The following RALGPS1 variants were observed in gnomAD, a reference collection of about 807,000 sequenced individuals.
The protein encoded by RALGPS1 is Ral GEF with PH domain and SH3 binding motif 1.
RALGPS1 carries 19 observed loss-of-function variants against 78.8 expected under a neutral mutation model. The ratio of observed to expected loss-of-function variants is 0.24; its 90% confidence interval spans 0.17 to 0.35. The LOEUF (loss-of-function observed/expected upper bound fraction) is 0.35, where lower values mean the gene tolerates loss of function less well. Ranked by LOEUF, RALGPS1 falls within the 10% of genes least tolerant of loss-of-function variation. The pLI is 1.00. For synonymous variants in RALGPS1, 228 were observed against 256.3 expected (o/e 0.89, Z 1.06); for missense variants, 454 against 688.3 (o/e 0.66, Z 3.81).
At chr9:127,101,480 A>G (rs150213808) in intron 8 of RALGPS1, among the ~76,000 whole-genome samples, 9 of 152,098 alleles carry the variant, frequency 5.9e-5, no homozygotes, top group East Asian at 1.9e-4. Flanking sequence ...CCATCCTTCA[A>G]TCCTCTATCC....
intron 4 of RALGPS1, among the ~76,000 whole-genome samples, chr9:127,005,497 A>G (rs776540265): frequency 3.3e-4 from 50 of 152,252 alleles, no homozygotes; most frequent in South Asian, 1.2e-3. Flanking sequence ...AAAGATTACA[A>G]TGGTCTTGAA....
At chr9:127,133,714 A>G (rs2057181074) in intron 8 of RALGPS1, among the ~76,000 whole-genome samples, 2 of 152,190 alleles carry the variant, frequency 1.3e-5, no homozygotes, top group South Asian at 2.1e-4. Context: ...TTTCTTTAAC[A>G]TGGAACCAAA....
At position 127,205,691 on chromosome 9, in the gene RALGPS1, T is replaced by G. The variant is rs2061896550; in HGVS notation, c.1248-6440T>G. On this transcript the variant is annotated intron_variant, in intron 14 of 18. Transcript: ENST00000259351. The surrounding 1 kb of genome is among the most constrained non-coding windows in gnomAD (Gnocchi z 4.0). ...ATATCTGCTTTACCCCTCCCCACTC[T>G]CTCTCAGACAAGATTTCTGAACTTC... Among the ~76,000 whole-genome samples the G allele has an allele frequency of 6.6e-6, 1 of 152,180 alleles. No homozygotes were observed. Among genetic ancestry groups the G allele is most frequent in the South Asian group, 2.1e-4 (1 of 4,834 alleles).
intron 11 of RALGPS1, chr9:127,178,405 G>C (rs1214334910): frequency 1.0e-6 from 1 of 953,376 alleles, no homozygotes; most frequent in Non-Finnish European, 1.3e-6. Flanking sequence ...CTGTAAAGTG[G>C]GCATAAAATC....
intron 12 of RALGPS1, among the ~76,000 whole-genome samples, chr9:127,195,682 C>T (rs1324596155): frequency 6.6e-6 from 1 of 152,200 alleles, no homozygotes; most frequent in East Asian, 1.9e-4. Context: ...ATGCGTGAGC[C>T]CTCGGCATGG....
At chr9:127,029,614 A>G (rs2046247695) in intron 4 of RALGPS1, among the ~76,000 whole-genome samples, 1 of 152,168 alleles carries the variant, frequency 6.6e-6, no homozygotes, top group Admixed American at 6.5e-5. Context: ...TTCCATGTGG[A>G]CACGTTTGAT....
intron 7 of RALGPS1, among the ~76,000 whole-genome samples, chr9:127,068,376 AAG>A (rs1368922142): frequency 6.6e-6 from 1 of 152,138 alleles, no homozygotes; most frequent in Non-Finnish European, 1.5e-5. Flanking sequence ...GATGCAGGGA[AAG>A]AGACCTGGTG....
rs962804462 is a variant in RALGPS1 at position 126,988,084 on chromosome 9, C to T, written c.216+10339C>T. On this transcript the variant is annotated intron_variant, in intron 4 of 18. Transcript: ENST00000259351. The stretch of plus-strand genomic sequence containing the variant: ...ACGGGAGAAGTGTATCTAGGTCTCT[C>T]CTGCAAGACCAGGACCAAAATCCAG... Among the ~76,000 whole-genome samples, 3 of 152,236 alleles carry T rather than the reference C, an allele frequency of 2.0e-5. No homozygotes were observed. The East Asian group carries it at 5.8e-4, about 29-fold the overall frequency.
At chr9:127,152,801 C>G (rs567826742) in intron 8 of RALGPS1, among the ~76,000 whole-genome samples, 3 of 152,124 alleles carry the variant, frequency 2.0e-5, no homozygotes, top group Non-Finnish European at 4.4e-5. Flanking sequence ...GGTCTGTACC[C>G]CCATCTCCTC....
intron 4 of RALGPS1, among the ~76,000 whole-genome samples, chr9:127,000,082 T>C (rs1284077243): frequency 6.6e-6 from 1 of 152,222 alleles, no homozygotes; most frequent in East Asian, 1.9e-4. Flanking sequence ...ATATTGGTAA[T>C]TTGTATCTCT....
intron 18 of RALGPS1, chr9:127,216,994 G>A (rs542852885): frequency 1.5e-5 from 23 of 1,538,080 alleles, no homozygotes; most frequent in South Asian, 1.1e-4. Flanking sequence ...GCAGGGCCCT[G>A]TGCCTGAAGC....
At chr9:127,121,956 T>C (rs2056142651) in intron 8 of RALGPS1, among the ~76,000 whole-genome samples, 1 of 152,196 alleles carries the variant, frequency 6.6e-6, no homozygotes, top group East Asian at 1.9e-4. Flanking sequence ...TCTGCAGCTC[T>C]TCAGTACGCT....
chr9:127,128,274 A>G (rs1395324475), intron 8 of RALGPS1, among the ~76,000 whole-genome samples: 1 of 152,250 alleles, frequency 6.6e-6, no homozygotes, highest in East Asian at 1.9e-4. Flanking sequence ...TGCATCTAAG[A>G]CTTTGCTATT....
chr9:127,086,299 C>T (rs972780661), intron 8 of RALGPS1, among the ~76,000 whole-genome samples: 2 of 152,234 alleles, frequency 1.3e-5, no homozygotes, highest in African/African-American at 4.8e-5. Flanking sequence ...GATATATACA[C>T]TGGCAAGTTA....
chr9:127,073,801 C>T (rs949768453), intron 8 of RALGPS1, among the ~76,000 whole-genome samples: 20 of 152,066 alleles, frequency 1.3e-4, no homozygotes, highest in East Asian at 1.9e-4. Flanking sequence ...TGGCCCAAGA[C>T]GATATCTCAT....
chr9:126,986,319 C>G (rs1163167914), intron 4 of RALGPS1, among the ~76,000 whole-genome samples: 1 of 152,184 alleles, frequency 6.6e-6, no homozygotes, highest in Non-Finnish European at 1.5e-5. Flanking sequence ...GCAGATATAG[C>G]TTTGTAGCAT....
Position 127,050,093 on chromosome 9 carries a change from A to G in RALGPS1, c.351A>G (p.Ile117Met), listed in dbSNP as rs778033944. ...REILTAQTLK[I>M]RAEILSHFVK... ...TTCTAACAGCACAGACTTTAAAAAT[A>G]AGGGCAGAAATCCTCAGCCATTTTG... The change falls in exon 6 of 19, where the codon ATA becomes ATG. Residue 117 changes from isoleucine (I) to methionine (M), a missense_variant. Ile to Met is a conservative substitution (Grantham distance 10). Transcript: ENST00000259351. The G allele has an allele frequency of 6.0e-5, 97 of 1,613,986 alleles. No homozygotes were observed. Among genetic ancestry groups the G allele is most frequent in the Non-Finnish European group, 7.6e-5 (90 of 1,179,916 alleles).
At chr9:127,011,325 C>G (rs927932391) in intron 4 of RALGPS1, among the ~76,000 whole-genome samples, 3 of 152,040 alleles carry the variant, frequency 2.0e-5, no homozygotes, top group Non-Finnish European at 4.4e-5. Flanking sequence ...TTACAGGTGC[C>G]CGCCACCATG....
At chr9:126,929,130 C>G (rs1292815437) in intron 1 of RALGPS1, among the ~76,000 whole-genome samples, 1 of 152,190 alleles carries the variant, frequency 6.6e-6, no homozygotes, top group African/African-American at 2.4e-5. Flanking sequence ...GATATCTCCA[C>G]TGGACCAAAG....
Sources: gnomAD v4.1 joint callset for allele counts (sites outside exome capture counted in the v4.1 genomes callset) on GRCh38, gnomAD v4.1.1 for gene constraint, Gnocchi (gnomAD v3.1) non-coding constraint, MANE v1.5 for transcripts, NCBI Gene and HGNC (gene_info 2026-07-23, HGNC 2026-07-21) for gene names.